Variants in DNAH8 observed in about 807,000 individuals in gnomAD.
The protein encoded by DNAH8 is axonemal beta dynein heavy chain 8.
DNAH8 carries 382 observed loss-of-function variants against 562.1 expected under a neutral mutation model. The observed-to-expected ratio is 0.68, with a 90% CI of 0.63 to 0.74. The LOEUF (loss-of-function observed/expected upper bound fraction) is 0.74. Among genes scored for constraint, DNAH8 ranks in the 30% least tolerant of loss-of-function variants. The probability of loss-of-function intolerance (pLI) is 0.00; values close to 1 mark genes in which losing one functional copy is unlikely to be tolerated. For synonymous variants in DNAH8, 1,881 were observed against 1,919.4 expected (o/e 0.98, Z 0.52); for missense variants, 5,203 against 5,620.4 (o/e 0.93, Z 2.37).
Position 38,755,977 on chromosome 6 carries a change from C to T in DNAH8, c.1413C>T (p.Ser471=). ...CQPLYNHDLV[S]MAHGIQNLIN... The stretch of plus-strand genomic sequence containing the variant: ...TTAATTTGTTTCAATGTTAGGTTTC[C>T]ATGGCACATGGAATACAAAATTTGA... Residue 471 remains serine (S), a synonymous_variant, in exon 10 of 93, where the codon TCC becomes TCT. Transcript: ENST00000327475. 1 of 1,589,828 alleles carries T rather than the reference C, an allele frequency of 6.3e-7. No individual in the cohort carries two copies. Among genetic ancestry groups the T allele is most frequent in the Non-Finnish European group, 8.6e-7 (1 of 1,159,310 alleles).
chr6:38,938,491 CG>C lies in DNAH8; in HGVS notation c.11816+267del, dbSNP rs540309968. Among the ~76,000 whole-genome samples, 21 of 152,144 alleles carry C rather than the reference CG, an allele frequency of 1.4e-4. No homozygotes were observed. In the East Asian group the frequency reaches 3.9e-3, roughly 28 times the overall value. ...TATCCTTAGCAAACTAACACAGGAA[CG>C]GAAAACCAAATACCGCATAGTCTCA... On this transcript the variant is annotated intron_variant, in intron 78 of 92. Coordinates refer to ENST00000327475, the MANE Select transcript of DNAH8 (RefSeq NM_001206927.2).
At position 38,729,982 on chromosome 6, in the gene DNAH8, T is replaced by C; in HGVS notation, c.606T>C (p.Gly202=). 6.4e-7 allele frequency: 1 copy of C among 1,554,920 alleles called. No homozygotes were observed. Among genetic ancestry groups the C allele is most frequent in the Non-Finnish European group, 8.8e-7 (1 of 1,131,346 alleles). ...KFLYQEGDVP[G]IECGRTIAGA... is the part of the protein sequence containing the mutation. ...TGTACCAAGAAGGAGATGTACCTGG[T>C]ATTGGTAAGAATTTTCTGAGGGCAG... Residue 202 remains glycine, a synonymous_variant, in exon 4 of 93, where the codon GGT becomes GGC. Coordinates refer to ENST00000327475, the MANE Select transcript of DNAH8 (RefSeq NM_001206927.2).
intron 82 of DNAH8, among the ~76,000 whole-genome samples, chr6:38,967,119 G>A (rs1763019900): frequency 6.6e-6 from 1 of 152,182 alleles, no homozygotes; most frequent in African/African-American, 2.4e-5. Context: ...ACTAGGAATA[G>A]GAGGAAATTT....
intron 11 of DNAH8, among the ~76,000 whole-genome samples, chr6:38,767,494 T>G (rs1678642): frequency 0.25 from 38,525 of 151,912 alleles, 5,442 homozygotes; most frequent in East Asian, 0.46. Context: ...AACTTGTATT[T>G]ACTGTCTCTC....
chr6:38,747,587 A>G (rs1174543458), intron 8 of DNAH8, among the ~76,000 whole-genome samples: 1 of 152,052 alleles, frequency 6.6e-6, no homozygotes, highest in African/African-American at 2.4e-5. Context: ...AGGTTTCACT[A>G]TGTTGGCCAA....
At chr6:38,799,546 T>A (rs754959311) in intron 21 of DNAH8, among the ~76,000 whole-genome samples, 1 of 152,196 alleles carries the variant, frequency 6.6e-6, no homozygotes, top group Non-Finnish European at 1.5e-5. Flanking sequence ...AATTTTTGTT[T>A]CCCCAATTTC....
chr6:38,868,577 T>A (rs1459046748), intron 48 of DNAH8, among the ~76,000 whole-genome samples: 1 of 152,230 alleles, frequency 6.6e-6, no homozygotes, highest in Non-Finnish European at 1.5e-5. Context: ...CAGATATATC[T>A]CTCCCAAAAC....
intron 7 of DNAH8, among the ~76,000 whole-genome samples, chr6:38,741,484 A>G (rs1764517205): frequency 1.3e-5 from 2 of 152,134 alleles, no homozygotes; most frequent in South Asian, 4.1e-4. Flanking sequence ...CCCAAAATAA[A>G]TAAGAGAAAC....
intron 87 of DNAH8, among the ~76,000 whole-genome samples, chr6:38,984,529 A>G (rs1440348786): frequency 6.6e-6 from 1 of 152,058 alleles, no homozygotes; most frequent in Non-Finnish European, 1.5e-5. Context: ...ATGGTGGCTC[A>G]CGCCTGTAAT....
At chr6:38,778,329 T>C in intron 13 of DNAH8, 59 bp from the exon 14 acceptor site, 1 of 941,868 alleles carries the variant, frequency 1.1e-6, no homozygotes, top group Non-Finnish European at 1.6e-6. Flanking sequence ...TAACTGTTGT[T>C]AAACAAAACC....
At chr6:38,832,950 A>ATAGT (rs1358223195) in intron 31 of DNAH8, among the ~76,000 whole-genome samples, 3 of 152,064 alleles carry the variant, frequency 2.0e-5, no homozygotes, top group African/African-American at 4.8e-5. Context: ...AAAATGTAAT[A>ATAGT]TAGTTGTTGG....
chr6:38,961,634 C>T (rs1762610308), intron 82 of DNAH8, among the ~76,000 whole-genome samples: 1 of 151,832 alleles, frequency 6.6e-6, no homozygotes, highest in Non-Finnish European at 1.5e-5. Flanking sequence ...GCTATAAAAG[C>T]CATTTTATAA....
At chr6:38,987,216 G>A (rs963135365) in intron 87 of DNAH8, among the ~76,000 whole-genome samples, 9 of 152,182 alleles carry the variant, frequency 5.9e-5, no homozygotes, top group Admixed American at 2.0e-4. Context: ...CACACGGAGG[G>A]GGAGGAAGAA....
In DNAH8 at chr6:38,926,104, A is replaced by G. The variant is rs778251304; in HGVS notation, c.11012A>G (p.Gln3671Arg). 1 of 1,613,890 alleles carries G rather than the reference A, an allele frequency of 6.2e-7. No individual in the cohort carries two copies. Among genetic ancestry groups the G allele is most frequent in the Admixed American group, 1.7e-5 (1 of 60,012 alleles). The change falls in exon 74 of 93, where the codon CAG (glutamine) becomes CGG (arginine). Residue 3671 changes from glutamine to arginine, a missense_variant. Gln to Arg is a conservative substitution (Grantham distance 43). Transcript: ENST00000327475. ...QGLPGDDLSI[Q>R]NGIIVTKATR... ...TTACCAGGAGATGATCTCTCAATTC[A>G]GAATGGCATTATTGTGACAAAGGCC...
chr6:39,010,803 A>ATG (rs1561972946), intron 89 of DNAH8, among the ~76,000 whole-genome samples: 6 of 136,222 alleles, frequency 4.4e-5, no homozygotes, highest in African/African-American at 1.4e-4. Flanking sequence ...ACGTGTACGC[A>ATG]CACACACACA....
intron 79 of DNAH8, among the ~76,000 whole-genome samples, chr6:38,943,471 CAA>C (rs989657891): frequency 1.4e-5 from 2 of 147,916 alleles, no homozygotes; most frequent in African/African-American, 5.1e-5. Context: ...TTTGATTTCC[CAA>C]GAGTGACAGG....
At chr6:38,863,460 A>G (rs1776797652) in intron 44 of DNAH8, among the ~76,000 whole-genome samples, 1 of 151,820 alleles carries the variant, frequency 6.6e-6, no homozygotes, top group Non-Finnish European at 1.5e-5. Flanking sequence ...AACAAAAACA[A>G]AAAACCCCAA....
At chr6:38,928,128 G>T (rs962362603) in intron 74 of DNAH8, 11 of 152,222 alleles carry the variant, frequency 7.2e-5, no homozygotes, top group African/African-American at 2.4e-4. Flanking sequence ...CTCCCTATCA[G>T]GAATTCACTG....
chr6:38,771,387 TTTA>T (rs138635877), intron 12 of DNAH8, among the ~76,000 whole-genome samples: 4,469 of 152,276 alleles, frequency 0.029, 225 homozygotes, highest in African/African-American at 0.1. Context: ...CTTTAACAGC[TTTA>T]TTGAGACATA....
Sources: allele counts gnomAD v4.1 joint callset (sites outside exome capture counted in the v4.1 genomes callset), GRCh38; gene constraint gnomAD v4.1.1; transcripts MANE v1.5; gene names NCBI Gene and HGNC (gene_info 2026-07-23, HGNC 2026-07-21).